Variants in NFAT5 observed in about 807,000 individuals in gnomAD.
NFAT5 encodes nuclear factor of activated T cells 5.
In NFAT5, 31 loss-of-function variants were observed where a neutral mutation model predicts 166.5. The ratio of observed to expected loss-of-function variants is 0.19; its 90% confidence interval spans 0.14 to 0.25. The LOEUF (loss-of-function observed/expected upper bound fraction) is 0.25, where lower values mean the gene tolerates loss of function less well. Among genes scored for constraint, NFAT5 ranks in the 10% least tolerant of loss-of-function variants. The pLI is 1.00. For missense variants in NFAT5, 1,449 were observed against 1,821.8 expected (o/e 0.80, Z 3.72); for synonymous variants, 612 against 639.7 (o/e 0.96, Z 0.65).
chr16:69,639,300 A>G (rs2035103992), intron 3 of NFAT5, among the ~76,000 whole-genome samples: 3 of 152,216 alleles, frequency 2.0e-5, no homozygotes, highest in African/African-American at 7.2e-5. Context: ...AGAACAAAAA[A>G]TACATTTAAA....
At position 69,653,183 on chromosome 16, in the gene NFAT5, T is replaced by C. The variant is rs2035745990; in HGVS notation, c.813-53T>C. On this transcript the variant is annotated intron_variant, in intron 4 of 14. Coordinates refer to ENST00000349945, the MANE Select transcript of NFAT5 (RefSeq NM_138713.4). ...CCTTTGTCTTAATGGCTTTTTTTTTTTATCAAAAAACTCTTTTTGATACTT... is the reference window on the plus strand; with the variant it reads ...CCTTTGTCTTAATGGCTTTTTTTTTCTATCAAAAAACTCTTTTTGATACTT... 2.6e-5 allele frequency: 33 copies of C among 1,284,466 alleles called. No individual in the cohort carries two copies. The South Asian group carries it at 4.4e-4, about 17-fold the overall frequency. The allele number at this position is 1,284,466 out of a possible 1,614,324, so 79.6% of individuals were successfully genotyped here.
At position 69,596,976 on chromosome 16, in the gene NFAT5, G is replaced by T. The variant is rs546070268; in HGVS notation, c.127+28428G>T. On this transcript the variant is annotated intron_variant, in intron 2 of 14. Coordinates refer to ENST00000349945, the MANE Select transcript of NFAT5 (RefSeq NM_138713.4). ...AAAGAGGAGTCCCTGTGTGCCAGGG[G>T]ATCAGGAAGGGCTTTTGATGGGAGG... Among the ~76,000 whole-genome samples the T allele has an allele frequency of 1.2e-4, 18 of 152,236 alleles. 1 individual carries two copies. Among genetic ancestry groups the T allele is most frequent in the African/African-American group, 4.1e-4 (17 of 41,532 alleles).
At position 69,693,075 on chromosome 16, in the gene NFAT5, C is replaced by T; in HGVS notation, c.3250C>T (p.His1084Tyr). Residue 1084 changes from histidine (H) to tyrosine (Y), a missense_variant, in exon 13 of 15, where the codon CAT becomes TAT. Physicochemically the swap from His to Tyr is moderately conservative, Grantham distance 83. Around this residue, in one of 7 missense-constraint regions of NFAT5, gnomAD observed 891 missense variants for 993.0 expected, o/e 0.90. Transcript: ENST00000349945. ...QSGNFLQQSSHSQAQLFHPQN... is the reference protein window; with the variant it reads ...QSGNFLQQSSYSQAQLFHPQN... ...TGGAAATTTTTTGCAGCAGTCTTCT[C>T]ATTCACAGGCCCAACTTTTTCATCC... 1 of 1,614,068 alleles carries T rather than the reference C, an allele frequency of 6.2e-7. No homozygotes were observed.
At chr16:69,623,408 AC>A (rs1260195565) in intron 2 of NFAT5, among the ~76,000 whole-genome samples, 1 of 150,738 alleles carries the variant, frequency 6.6e-6, no homozygotes, top group Non-Finnish European at 1.5e-5. Context: ...ACTCACTGCA[AC>A]CTCCGTCTCC....
At chr16:69,691,654 GCATATATT>G (rs2037549294) in intron 12 of NFAT5, 87 bp from the exon 13 acceptor site, 1 of 930,476 alleles carries the variant, frequency 1.1e-6, no homozygotes, top group African/African-American at 1.7e-5. Context: ...AGCTGGTCCT[GCATATATT>G]TTTAGAGCAA....
At position 69,644,361 on chromosome 16, in the gene NFAT5, G is replaced by A. The variant is rs1050533791; in HGVS notation, c.254-2667G>A. On this transcript the variant is annotated intron_variant, in intron 3 of 14. Transcript: ENST00000349945. ...AAATGAGTAGAATCTTTGCAATTGA[G>A]GTAGACTTTAAAAAGTAATATTTTT... is the stretch of plus-strand genomic sequence containing the variant. Among the ~76,000 whole-genome samples the A allele has an allele frequency of 3.9e-5, 6 of 151,988 alleles. 1 individual carries two copies. The East Asian group carries it at 5.8e-4, about 15-fold the overall frequency.
rs186423858 is a variant in NFAT5 at position 69,573,975 on chromosome 16, G to A, written c.127+5427G>A. Among the ~76,000 whole-genome samples the A allele has an allele frequency of 2.2e-3, 337 of 150,464 alleles. 2 individuals carry two copies. The highest frequency in any genetic ancestry group is 5.9e-3 in the South Asian group (28 of 4,776). ...CGCAACTTCACCTCCAGGTTCAAGC[G>A]ATTTCCCTGCCTCAGCCTCCCAAGT... On this transcript the variant is annotated intron_variant, in intron 2 of 14. Transcript: ENST00000349945.
intron 11 of NFAT5, among the ~76,000 whole-genome samples, chr16:69,688,269 C>T (rs1555533504): frequency 6.8e-6 from 1 of 146,448 alleles, no homozygotes; most frequent in Non-Finnish European, 1.5e-5. Context: ...GCCTGGGTAA[C>T]AGAGTGAGAC....
intron 10 of NFAT5, among the ~76,000 whole-genome samples, chr16:69,680,870 C>T (rs2037031031): frequency 6.6e-6 from 1 of 152,150 alleles, no homozygotes; most frequent in Admixed American, 6.5e-5. Flanking sequence ...GGCAATTCTC[C>T]TGCCACAGCC....
At position 69,699,983 on chromosome 16, in the gene NFAT5, A is replaced by T. The variant is rs17298718; in HGVS notation, c.*3632A>T. 2 of 152,106 alleles carry T rather than the reference A, an allele frequency of 1.3e-5. No individual in the cohort carries two copies. Among genetic ancestry groups the T allele is most frequent in the East Asian group, 1.9e-4 (1 of 5,194 alleles). The allele number at this position is 152,106 out of a possible 1,614,324, so 9.4% of individuals were successfully genotyped here. On this transcript the variant is annotated 3_prime_UTR_variant, in exon 15 of 15. Transcript: ENST00000349945. ...ATGTTACCTTTATGATTAAAGTATCATGTTATTTAGCCAATGCAAATCTGT... is the reference window on the plus strand; with the variant it reads ...ATGTTACCTTTATGATTAAAGTATCTTGTTATTTAGCCAATGCAAATCTGT...
chr16:69,629,940 ATT>A (rs536349270), intron 3 of NFAT5, among the ~76,000 whole-genome samples: 2 of 138,950 alleles, frequency 1.4e-5, no homozygotes. Flanking sequence ...GACCTGGGTA[ATT>A]TTTTTTTTTT....
chr16:69,643,796 A>G (rs2035319705), intron 3 of NFAT5, among the ~76,000 whole-genome samples: 1 of 152,204 alleles, frequency 6.6e-6, no homozygotes, highest in African/African-American at 2.4e-5. Context: ...GCACTGTGAT[A>G]GGTGTTGGGA....
intron 6 of NFAT5, among the ~76,000 whole-genome samples, chr16:69,658,066 A>T (rs1299763758): frequency 6.6e-6 from 1 of 151,340 alleles, no homozygotes; most frequent in South Asian, 2.1e-4. Flanking sequence ...CCTGGGCGAC[A>T]GGGCGAGACT....
intron 3 of NFAT5, among the ~76,000 whole-genome samples, chr16:69,639,177 A>C (rs894667765): frequency 6.6e-6 from 1 of 152,238 alleles, no homozygotes; most frequent in African/African-American, 2.4e-5. Flanking sequence ...AGAATTTTAC[A>C]TGGACTTAAA....
In NFAT5 at chr16:69,693,435, G is replaced by A; in HGVS notation, c.3610G>A (p.Ala1204Thr). ...SEQQAAFQQQ[A>T]PISHIQTPML... ...ACAACAAGCTGCTTTCCAACAGCAA[G>A]CTCCAATATCACACATCCAGACTCC... Residue 1204 changes from alanine (A) to threonine (T), a missense_variant, in exon 13 of 15, where the codon GCT becomes ACT. Physicochemically the swap from Ala to Thr is moderately conservative, Grantham distance 58. Transcript: ENST00000349945. 1 of 1,614,142 alleles carries A rather than the reference G, an allele frequency of 6.2e-7. No homozygotes were observed. The highest frequency in any genetic ancestry group is 8.5e-7 in the Non-Finnish European group (1 of 1,180,032).
chr16:69,580,536 A>AG (rs2031607505), intron 2 of NFAT5, among the ~76,000 whole-genome samples: 2 of 151,964 alleles, frequency 1.3e-5, no homozygotes, highest in African/African-American at 4.8e-5. Flanking sequence ...AAAAAAAAAA[A>AG]AAAGTTTAGG....
intron 2 of NFAT5, among the ~76,000 whole-genome samples, chr16:69,599,343 G>A (rs1035456774): frequency 5.3e-5 from 8 of 152,170 alleles, no homozygotes; most frequent in Admixed American, 1.3e-4. Flanking sequence ...TCGGGAGGCT[G>A]AGGAGGGAGG....
At chr16:69,671,050 T>A (rs1222241240) in intron 9 of NFAT5, among the ~76,000 whole-genome samples, 2 of 152,370 alleles carry the variant, frequency 1.3e-5, no homozygotes, top group South Asian at 4.1e-4. Flanking sequence ...ATAGCCACTT[T>A]ATCCAAAAAG....
At chr16:69,660,212 G>A (rs1467023301) in intron 7 of NFAT5, among the ~76,000 whole-genome samples, 1 of 152,144 alleles carries the variant, frequency 6.6e-6, no homozygotes, top group African/African-American at 2.4e-5. Flanking sequence ...CTTCAGCCCA[G>A]GAGTTTAAGA....
Sources: gnomAD v4.1 joint callset for allele counts (sites outside exome capture counted in the v4.1 genomes callset) on GRCh38, gnomAD v4.1.1 for gene constraint, gnomAD v4.1.1 regional missense constraint, MANE v1.5 for transcripts, NCBI Gene and HGNC (gene_info 2026-07-23, HGNC 2026-07-21) for gene names.